The following FAT2 variants were observed in gnomAD, a reference collection of about 807,000 sequenced individuals.
The protein encoded by FAT2 is protocadherin Fat 2.
Under a neutral mutation model 295.3 loss-of-function variants are expected in FAT2, and 150 were observed. The observed-to-expected ratio is 0.51, with a 90% CI of 0.44 to 0.58. The LOEUF is 0.58. Ranked by LOEUF, FAT2 falls within the 20% of genes least tolerant of loss-of-function variation. The pLI, the probability that FAT2 is intolerant of heterozygous loss-of-function variation, is 0.00. For synonymous variants in FAT2, 2,026 were observed against 2,150.3 expected (o/e 0.94, Z 1.60); for missense variants, 4,868 against 5,442.7 (o/e 0.89, Z 3.32).
rs1756992370 is a variant in FAT2, at chr5:151,549,622, C to A, written c.4579-117G>T. 6.8e-6 allele frequency: 5 copies of A among 736,430 alleles called. No individual in the cohort carries two copies. In the East Asian group the frequency reaches 8.0e-5, roughly 12 times the overall value. The allele number at this position is 736,430 out of a possible 1,614,324, so 45.6% of individuals were successfully genotyped here. A position where few individuals can be genotyped will look rare whatever the true frequency, so the allele number is the denominator to read the frequency against. On this transcript the variant is annotated intron_variant, in intron 8 of 23. Coordinates refer to ENST00000261800, the MANE Select transcript of FAT2 (RefSeq NM_001447.3). ...AAAATATGCCCAATTGTAACTAACT[C>A]CCCATATTCTTTTAAATGTTGTTCT...
intron 20 of FAT2, among the ~76,000 whole-genome samples, chr5:151,513,838 T>C (rs1178945376): frequency 9.2e-5 from 14 of 152,246 alleles, no homozygotes; most frequent in Admixed American, 9.2e-4. Context: ...CATTTTTAAA[T>C]ATCTCAGTTT....
chr5:151,568,384 A>C lies in FAT2; in HGVS notation c.548T>G (p.Phe183Cys), dbSNP rs749532841. 9.3e-6 allele frequency: 15 copies of C among 1,614,090 alleles called. No homozygotes were observed. Among genetic ancestry groups the C allele is most frequent in the African/African-American group, 4.0e-5 (3 of 74,936 alleles). Reference protein sequence around the residue: ...TDADLGQNAEFYYAFNTRSEM... With the variant: ...TDADLGQNAECYYAFNTRSEM... ...TGACCTTGTGTTAAAGGCATAATAG[A>C]ACTCAGCATTCTGGCCTAGATCAGC... The change falls in exon 2 of 24, where the codon TTC becomes TGC. Residue 183 changes from phenylalanine (F) to cysteine (C), a missense_variant. By Grantham distance (205) the Phe-to-Cys change is radical. Transcript: ENST00000261800.
At chr5:151,506,704 C>T (rs574431570) in intron 23 of FAT2, among the ~76,000 whole-genome samples, 158 of 152,338 alleles carry the variant, frequency 1.0e-3, no homozygotes, top group Admixed American at 2.0e-3. Context: ...TTTACTAATG[C>T]ACCCCCTTTT....
At chr5:151,549,575 T>A in intron 8 of FAT2, 70 bp from the exon 9 acceptor site, 1 of 1,335,114 alleles carries the variant, frequency 7.5e-7, no homozygotes, top group Non-Finnish European at 1.1e-6. Flanking sequence ...AGGGTAAGGT[T>A]AATGAACTAG....
intron 19 of FAT2, among the ~76,000 whole-genome samples, chr5:151,521,028 A>G (rs1033802659): frequency 1.3e-5 from 2 of 152,266 alleles, no homozygotes; most frequent in Admixed American, 6.5e-5. Flanking sequence ...GCTCTTAGCC[A>G]TGATGTTAAA....
rs1454684818 is a variant in FAT2 at position 151,542,348 on chromosome 5, T to TC, written c.8778dup (p.Thr2927AspfsTer8). 1 of 1,613,740 alleles carries TC rather than the reference T, an allele frequency of 6.2e-7. No homozygotes were observed. The highest frequency in any genetic ancestry group is 8.5e-7 in the Non-Finnish European group (1 of 1,179,918). Reference sequence around the variant, plus strand: ...ATGTCAGCATCCAGGGTCTTTAGAGTCGCCACCAGTTCGCCAGGCTCACTG... The same window carrying TC: ...ATGTCAGCATCCAGGGTCTTTAGAGTCCGCCACCAGTTCGCCAGGCTCACTG... On this transcript the variant is annotated frameshift_variant, in exon 10 of 24. Coordinates refer to ENST00000261800, the MANE Select transcript of FAT2 (RefSeq NM_001447.3). LOFTEE classifies it high-confidence loss of function.
Position 151,522,086 on chromosome 5 carries a change from C to T in FAT2, c.10507G>A (p.Ala3503Thr). The T allele has an allele frequency of 1.3e-6, 2 of 1,577,992 alleles. No individual in the cohort carries two copies. The highest frequency in any genetic ancestry group is 1.7e-6 in the Non-Finnish European group (2 of 1,155,562). ...AQEWYQLQIQ[A>T]SDSGIPPLSS... ...AGGGGAGGGATGCCACTGTCTGACG[C>T]CTGTGGGCAAAACAAACACTGCTGT... is the stretch of plus-strand genomic sequence containing the variant. The change falls in exon 19 of 24, where the codon GCG becomes ACG. Residue 3503 changes from alanine to threonine, a missense_variant and splice_region_variant. This residue lies in a region of FAT2 where 1,046 missense variants were observed against 1,210.1 expected (regional missense o/e 0.86). Coordinates refer to ENST00000261800, the MANE Select transcript of FAT2 (RefSeq NM_001447.3).
rs1448825312 is a variant in FAT2 at position 151,563,438 on chromosome 5, G to C, written c.3461C>G (p.Thr1154Ser). ...PSIQEDAPVG[T>S]SVLQLDAWDP... ...CCAGGCATCCAGTTGAAGCACAGAG[G>C]TGCCCACGGGAGCATCCTCCTGGAT... Residue 1154 changes from threonine (T) to serine (S), a missense_variant, in exon 3 of 24, where the codon ACC (threonine) becomes AGC (serine). Thr to Ser is a moderately conservative substitution (Grantham distance 58, BLOSUM62 1). Coordinates refer to ENST00000261800, the MANE Select transcript of FAT2 (RefSeq NM_001447.3). 1 of 1,614,204 alleles carries C rather than the reference G, an allele frequency of 6.2e-7. No individual in the cohort carries two copies. The highest frequency in any genetic ancestry group is 8.5e-7 in the Non-Finnish European group (1 of 1,180,036).
At chr5:151,538,239 G>C (rs1325773615) in intron 11 of FAT2, among the ~76,000 whole-genome samples, 1 of 152,210 alleles carries the variant, frequency 6.6e-6, no homozygotes, top group African/African-American at 2.4e-5. Flanking sequence ...GAGAAGTTCT[G>C]TCATCCAAAA....
chr5:151,585,111 A>T (rs1459678623), intron 1 of FAT2, among the ~76,000 whole-genome samples: 1 of 152,200 alleles, frequency 6.6e-6, no homozygotes, highest in Non-Finnish European at 1.5e-5. Flanking sequence ...CCTCTCTAAT[A>T]ATTGGAGTTC....
In FAT2 at chr5:151,544,097, G is replaced by A; in HGVS notation, c.7030C>T (p.His2344Tyr). ...VQELDYEAQQ[H>Y]FHVKVRAMDK... ...ATGGCCCTGACTTTCACATGAAAGTGTTGTTGGGCTTCATAATCCAGTTCT... is the reference window on the plus strand; with the variant it reads ...ATGGCCCTGACTTTCACATGAAAGTATTGTTGGGCTTCATAATCCAGTTCT... The change falls in exon 10 of 24, where the codon CAC (histidine) becomes TAC (tyrosine). Residue 2344 changes from histidine (H) to tyrosine (Y), a missense_variant. By Grantham distance (83) the His-to-Tyr change is moderately conservative. This residue lies in a region of FAT2 where 3,297 missense variants were observed against 3,669.4 expected (regional missense o/e 0.90). Coordinates refer to ENST00000261800, the MANE Select transcript of FAT2 (RefSeq NM_001447.3). The A allele has an allele frequency of 6.2e-7, 1 of 1,614,218 alleles. No individual in the cohort carries two copies. The highest frequency in any genetic ancestry group is 8.5e-7 in the Non-Finnish European group (1 of 1,180,036).
intron 3 of FAT2, among the ~76,000 whole-genome samples, chr5:151,562,594 C>T (rs1049109467): frequency 2.0e-5 from 3 of 152,072 alleles, no homozygotes; most frequent in Non-Finnish European, 2.9e-5. Flanking sequence ...TGTGGCCCAG[C>T]GGGACTGTGA....
Position 151,526,124 on chromosome 5 carries a change from T to C in FAT2, c.10309-159A>G, listed in dbSNP as rs57945723. 1.2e-4 allele frequency among the ~76,000 whole-genome samples: 19 copies of C among 152,294 alleles called. No individual in the cohort carries two copies. In the East Asian group the frequency reaches 3.5e-3, roughly 28 times the overall value. ...CTGCTGCTCATTCATTCTGCCTGCC[T>C]TTGAGGTAGTTGTTGACTTTGCTGT... is the stretch of plus-strand genomic sequence containing the variant. On this transcript the variant is annotated intron_variant, in intron 17 of 23. Transcript: ENST00000261800.
rs1050835018 is a variant in FAT2, at chr5:151,522,242, A to G, written c.10507-156T>C. The stretch of plus-strand genomic sequence containing the variant: ...GTTGCATTTAGAAAAAAAAAACCTA[A>G]CTCCAAAAGCACTGACAGAAAAGAA... On this transcript the variant is annotated intron_variant, in intron 18 of 23. Coordinates refer to ENST00000261800, the MANE Select transcript of FAT2 (RefSeq NM_001447.3). 6.9e-6 allele frequency: 4 copies of G among 578,432 alleles called. No homozygotes were observed. In the East Asian group the frequency reaches 1.1e-4, roughly 16 times the overall value. The allele number at this position is 578,432 out of a possible 1,614,324, so 35.8% of individuals were successfully genotyped here.
At chr5:151,518,857 C>G (rs1210503744) in intron 19 of FAT2, among the ~76,000 whole-genome samples, 1 of 152,190 alleles carries the variant, frequency 6.6e-6, no homozygotes, top group Non-Finnish European at 1.5e-5. Context: ...AAAATATCCA[C>G]CCTCCCCAGA....
rs1391882863 is a variant in FAT2 at position 151,554,463 on chromosome 5, T to C, written c.3844A>G (p.Ser1282Gly). The C allele has an allele frequency of 4.3e-6, 7 of 1,614,110 alleles. No individual in the cohort carries two copies. Among genetic ancestry groups the C allele is most frequent in the African/African-American group, 1.3e-5 (1 of 74,932 alleles). Reference sequence around the variant, plus strand: ...GCCTCCTCATCGCTGTCCTCGATACTGTAGGTGACTCTGCCATTAAGACCC... The same window carrying C: ...GCCTCCTCATCGCTGTCCTCGATACCGTAGGTGACTCTGCCATTAAGACCC... The part of the protein sequence containing the change: ...DEGLNGRVTY[S>G]IEDSDEEAFS... Residue 1282 changes from serine (S) to glycine (G), a missense_variant, in exon 5 of 24, where the codon AGT becomes GGT. Coordinates refer to ENST00000261800, the MANE Select transcript of FAT2 (RefSeq NM_001447.3).
Position 151,575,914 on chromosome 5 carries a change from G to A in FAT2, c.-20-6963C>T, listed in dbSNP as rs547498645. ...GCGGCTAGTACAATTGAGGAGTTGA[G>A]TTTTTCATTTTATCTTATTTTAATT... is the stretch of plus-strand genomic sequence containing the variant. On this transcript the variant is annotated intron_variant, in intron 1 of 23. Transcript: ENST00000261800. 2.6e-5 allele frequency among the ~76,000 whole-genome samples: 4 copies of A among 152,282 alleles called. No homozygotes were observed. The South Asian group carries it at 6.2e-4, about 24-fold the overall frequency.
chr5:151,559,865 G>A (rs576512363), intron 3 of FAT2, among the ~76,000 whole-genome samples: 1 of 152,180 alleles, frequency 6.6e-6, no homozygotes, highest in East Asian at 1.9e-4. Context: ...TGAATAGAAT[G>A]GGGACATAGC....
rs759550949 is a variant in FAT2, at chr5:151,566,708, G to C, written c.2224C>G (p.Pro742Ala). Reference sequence around the variant, plus strand: ...AGTTTGCCATTAAAACCAGCATCAGGGTCAGTGGCTGCTAGGCGGGCCAAG... The same window carrying C: ...AGTTTGCCATTAAAACCAGCATCAGCGTCAGTGGCTGCTAGGCGGGCCAAG... ...TPLARLAATD[P>A]DAGFNGKLVY... The change falls in exon 2 of 24, where the codon CCT becomes GCT. Residue 742 changes from proline to alanine, a missense_variant. By Grantham distance (27) the Pro-to-Ala change is conservative. Transcript: ENST00000261800. 1 of 1,614,110 alleles carries C rather than the reference G, an allele frequency of 6.2e-7. No individual in the cohort carries two copies.
Sources: allele counts gnomAD v4.1 joint callset (sites outside exome capture counted in the v4.1 genomes callset), GRCh38; gene constraint gnomAD v4.1.1; regional missense constraint gnomAD v4.1.1; transcripts MANE v1.5; gene names NCBI Gene and HGNC (gene_info 2026-07-23, HGNC 2026-07-21).